NR3C2: variants seen among roughly 807,000 people sequenced by gnomAD.
NR3C2 encodes the protein mineralocorticoid receptor.
In NR3C2, 15 loss-of-function variants were observed where a neutral mutation model predicts 86.4. That is an observed-to-expected ratio of 0.17 (90% CI 0.12 to 0.27). The LOEUF (loss-of-function observed/expected upper bound fraction) is 0.27. Ranked by LOEUF, NR3C2 falls within the 10% of genes least tolerant of loss-of-function variation. NR3C2 has a pLI of 1.00. For missense variants in NR3C2, 960 were observed against 1,195.6 expected (o/e 0.80, Z 2.91); for synonymous variants, 458 against 450.5 (o/e 1.02, Z -0.21).
intron 4 of NR3C2, among the ~76,000 whole-genome samples, chr4:148,176,353 G>T: frequency 6.6e-6 from 1 of 152,218 alleles, no homozygotes; most frequent in East Asian, 1.9e-4. Flanking sequence ...TGGGTTTTCT[G>T]CAAGACTGCT....
At chr4:148,155,602 G>A (rs954890653) in intron 4 of NR3C2, among the ~76,000 whole-genome samples, 3 of 152,028 alleles carry the variant, frequency 2.0e-5, no homozygotes, top group Non-Finnish European at 2.9e-5. Flanking sequence ...CACTGCTCAA[G>A]GAAATAAGAG....
intron 2 of NR3C2, among the ~76,000 whole-genome samples, chr4:148,362,595 CA>C (rs1442879889): frequency 6.6e-6 from 1 of 152,090 alleles, no homozygotes; most frequent in Non-Finnish European, 1.5e-5. Flanking sequence ...TTCATCTGCT[CA>C]AAAGTTACAG....
At chr4:148,316,497 C>T (rs771682342) in intron 2 of NR3C2, among the ~76,000 whole-genome samples, 4 of 152,114 alleles carry the variant, frequency 2.6e-5, no homozygotes, top group Non-Finnish European at 5.9e-5. Context: ...TACGTACAAA[C>T]ACCAACTGTT....
intron 2 of NR3C2, among the ~76,000 whole-genome samples, chr4:148,331,341 G>A (rs547022741): frequency 6.6e-6 from 1 of 152,306 alleles, no homozygotes; most frequent in South Asian, 2.1e-4. Context: ...AATTTGCAGA[G>A]CAAGAGTTTA....
chr4:148,080,598 C>T lies in NR3C2; in HGVS notation c.*746G>A, dbSNP rs986073755. ...TCTCATTTACAAAAGATCCTTATAC[C>T]TTATTTCAGGTCCTTCATAATTTAT... On this transcript the variant is annotated 3_prime_UTR_variant, in exon 9 of 9. Transcript: ENST00000358102. 3.2e-5 allele frequency: 5 copies of T among 158,174 alleles called. No individual in the cohort carries two copies. Among genetic ancestry groups the T allele is most frequent in the Admixed American group, 1.9e-4 (3 of 15,902 alleles). 9.8% of individuals were successfully genotyped at this position (158,174 alleles called of 1,614,324 possible).
chr4:148,151,819 T>C (rs1367324329), intron 6 of NR3C2, among the ~76,000 whole-genome samples: 1 of 152,174 alleles, frequency 6.6e-6, no homozygotes, highest in African/African-American at 2.4e-5. Flanking sequence ...CACTGCTAGA[T>C]ACAAACATAA....
At chr4:148,269,242 C>T (rs1033852554) in intron 2 of NR3C2, among the ~76,000 whole-genome samples, 5 of 152,068 alleles carry the variant, frequency 3.3e-5, no homozygotes, top group African/African-American at 1.2e-4. Context: ...ATCTGGGAAT[C>T]AAAGGGAGGA....
intron 2 of NR3C2, among the ~76,000 whole-genome samples, chr4:148,393,921 G>A (rs1747720833): frequency 6.6e-6 from 1 of 152,190 alleles, no homozygotes; most frequent in South Asian, 2.1e-4. Context: ...CACCCCTTGT[G>A]TCTTGGCTGG....
intron 2 of NR3C2, among the ~76,000 whole-genome samples, chr4:148,365,596 G>A (rs943895996): frequency 6.6e-6 from 1 of 151,862 alleles, no homozygotes; most frequent in Non-Finnish European, 1.5e-5. Context: ...ATGTGATACA[G>A]TAATATGCTG....
intron 3 of NR3C2, among the ~76,000 whole-genome samples, chr4:148,239,061 A>G (rs1738885508): frequency 6.6e-6 from 1 of 152,186 alleles, no homozygotes; most frequent in South Asian, 2.1e-4. Flanking sequence ...TGAAGAATAG[A>G]CGTAGAGGCA....
In NR3C2 at chr4:148,165,792, G is replaced by A. The variant is rs374163609; in HGVS notation, c.2015-10891C>T. 8.8e-4 allele frequency among the ~76,000 whole-genome samples: 134 copies of A among 152,260 alleles called. 1 individual carries two copies. In the South Asian group the frequency reaches 0.027, roughly 30 times the overall value. On this transcript the variant is annotated intron_variant, in intron 4 of 8. Transcript: ENST00000358102. ...TTTTTCACAATTGTTTTAACAGTCTGTATTTCTGAGTATCTTCACTCTATT... is the reference window on the plus strand; with the variant it reads ...TTTTTCACAATTGTTTTAACAGTCTATATTTCTGAGTATCTTCACTCTATT...
intron 2 of NR3C2, among the ~76,000 whole-genome samples, chr4:148,421,367 A>T (rs542766784): frequency 2.5e-4 from 38 of 152,282 alleles, no homozygotes; most frequent in African/African-American, 8.4e-4. Flanking sequence ...CTGGTATTTC[A>T]CATAGCAGTG....
At chr4:148,290,897 A>C (rs1050325207) in intron 2 of NR3C2, among the ~76,000 whole-genome samples, 2 of 152,180 alleles carry the variant, frequency 1.3e-5, no homozygotes, top group African/African-American at 4.8e-5. Flanking sequence ...TCTGTTCTAT[A>C]TTTGAAAAAT....
intron 2 of NR3C2, among the ~76,000 whole-genome samples, chr4:148,263,799 C>T (rs1362455143): frequency 6.6e-6 from 1 of 152,124 alleles, no homozygotes; most frequent in African/African-American, 2.4e-5. Context: ...ATTAAAGGGC[C>T]CTGATGTTCC....
intron 2 of NR3C2, among the ~76,000 whole-genome samples, chr4:148,405,743 C>A (rs1393291379): frequency 6.6e-6 from 1 of 152,212 alleles, no homozygotes; most frequent in Non-Finnish European, 1.5e-5. Context: ...ACGCAAAGGG[C>A]AGGTGAACTG....
At chr4:148,261,864 A>G (rs1354157883) in intron 2 of NR3C2, among the ~76,000 whole-genome samples, 1 of 152,248 alleles carries the variant, frequency 6.6e-6, no homozygotes, top group Non-Finnish European at 1.5e-5. Flanking sequence ...CTCACGAAAA[A>G]CAGAGGAAAG....
At chr4:148,443,966 CTAATGCCCCT>C (rs1261168621), upstream of NR3C2, 21 of 982,658 alleles carry the variant, frequency 2.1e-5, no homozygotes, top group African/African-American at 3.5e-5. Context: ...ACCCCAGACT[CTAATGCCCCT>C]CGGTCCCCAG....
At chr4:148,302,846 CAAAAAAAAAA>C (rs35574035) in intron 2 of NR3C2, among the ~76,000 whole-genome samples, 2 of 88,542 alleles carry the variant, frequency 2.3e-5, no homozygotes, top group Non-Finnish European at 4.5e-5. Flanking sequence ...AACTCCGTCT[CAAAAAAAAAA>C]AAAAAAAAAA....
intron 2 of NR3C2, among the ~76,000 whole-genome samples, chr4:148,378,095 G>C (rs1214330783): frequency 6.6e-6 from 1 of 152,154 alleles, no homozygotes; most frequent in South Asian, 2.1e-4. Context: ...GAGCCATAGA[G>C]GTTGTTATAG....
Sources: allele counts gnomAD v4.1 joint callset (sites outside exome capture counted in the v4.1 genomes callset), GRCh38; gene constraint gnomAD v4.1.1; transcripts MANE v1.5; gene names NCBI Gene and HGNC (gene_info 2026-07-23, HGNC 2026-07-21).